The following SEPTIN11 variants were observed in gnomAD, a reference collection of about 807,000 sequenced individuals.
SEPTIN11 encodes septin 11.
In SEPTIN11, 25 loss-of-function variants were observed where a neutral mutation model predicts 51.4. That is an observed-to-expected ratio of 0.49 (90% CI 0.35 to 0.68). SEPTIN11 has a LOEUF of 0.68. Among genes scored for constraint, SEPTIN11 ranks in the 30% least tolerant of loss-of-function variants. SEPTIN11 has a pLI of 0.00. For synonymous variants in SEPTIN11, 174 were observed against 184.1 expected, an observed-to-expected ratio of 0.95 and a Z score of 0.44; for missense variants, 381 against 520.8, an observed-to-expected ratio of 0.73 and a Z score of 2.61.
At chr4:77,006,068 A>T (rs1006360566) in intron 3 of SEPTIN11, among the ~76,000 whole-genome samples, 1 of 152,134 alleles carries the variant, frequency 6.6e-6, no homozygotes. Context: ...TCTTTCCACA[A>T]AGGCCATGAA....
intron 1 of SEPTIN11, among the ~76,000 whole-genome samples, chr4:76,951,837 A>G (rs528784681): frequency 9.2e-5 from 14 of 152,330 alleles, no homozygotes; most frequent in African/African-American, 3.4e-4. Context: ...TCGGCCAACC[A>G]TATGTGAGCT....
rs1722907325 is a variant in SEPTIN11 at position 76,984,094 on chromosome 4, C to T, written c.28-12331C>T. ...TTTAGTAATATTTGTAGAGCAAGAC[C>T]AGATGTTAATTGGTATGTTTATTTC... On this transcript the variant is annotated intron_variant, in intron 1 of 9. Coordinates refer to ENST00000264893, the MANE Select transcript of SEPTIN11 (RefSeq NM_018243.4). This position sits in a 1 kb window ranked among gnomAD's most constrained non-coding sequence, Gnocchi z 4.1. 6.6e-6 allele frequency among the ~76,000 whole-genome samples: 1 copy of T among 152,154 alleles called. No homozygotes were observed. Among genetic ancestry groups the T allele is most frequent in the African/African-American group, 2.4e-5 (1 of 41,424 alleles).
At chr4:77,033,309 T>C (rs148794482) in intron 9 of SEPTIN11, among the ~76,000 whole-genome samples, 66 of 152,202 alleles carry the variant, frequency 4.3e-4, no homozygotes, top group African/African-American at 1.3e-3. Flanking sequence ...GATGTGGGAG[T>C]TGCCATTCAG....
intron 3 of SEPTIN11, chr4:77,010,052 TG>T (rs1340929282): frequency 6.6e-6 from 1 of 152,210 alleles, no homozygotes; most frequent in Non-Finnish European, 1.5e-5. Context: ...TAGTGGTGGT[TG>T]TTTATTATAT....
At chr4:76,999,239 G>A (rs910306953) in intron 2 of SEPTIN11, among the ~76,000 whole-genome samples, 1 of 152,168 alleles carries the variant, frequency 6.6e-6, no homozygotes, top group Admixed American at 6.5e-5. Context: ...TCCTCAGAGA[G>A]TTGAATATCA....
At chr4:77,012,406 T>C (rs1180724334) in intron 4 of SEPTIN11, among the ~76,000 whole-genome samples, 1 of 152,238 alleles carries the variant, frequency 6.6e-6, no homozygotes, top group African/African-American at 2.4e-5. Context: ...GCCACATTTA[T>C]ACCTTCTCTT....
At chr4:77,026,075 T>C (rs1236273825) in intron 7 of SEPTIN11, among the ~76,000 whole-genome samples, 1 of 152,198 alleles carries the variant, frequency 6.6e-6, no homozygotes, top group East Asian at 1.9e-4. Flanking sequence ...TTAAACTTTT[T>C]AACGTACTGG....
chr4:76,967,295 A>G (rs972326991), intron 1 of SEPTIN11, among the ~76,000 whole-genome samples: 2 of 152,240 alleles, frequency 1.3e-5, no homozygotes, highest in Non-Finnish European at 2.9e-5. Flanking sequence ...CCAATGGTTT[A>G]TACACAGTTT....
At position 77,036,636 on chromosome 4, in the gene SEPTIN11, GA is replaced by G. The variant is rs1407801933; in HGVS notation, c.*2127del. ...CGAGTCAGGGAATAAAAAGTCAAAA[GA>G]AACAAATAGAAGCTTTTTTTTTTAA... is the stretch of plus-strand genomic sequence containing the variant. On this transcript the variant is annotated 3_prime_UTR_variant, in exon 10 of 10. Transcript: ENST00000264893. 7 of 1,477,828 alleles carry G rather than the reference GA, an allele frequency of 4.7e-6. No individual in the cohort carries two copies. Among genetic ancestry groups the G allele is most frequent in the Non-Finnish European group, 6.2e-6 (7 of 1,126,868 alleles). The allele number at this position is 1,477,828 out of a possible 1,614,324, so 91.5% of individuals were successfully genotyped here.
chr4:76,951,595 A>G (rs1721350851), intron 1 of SEPTIN11, among the ~76,000 whole-genome samples: 2 of 152,230 alleles, frequency 1.3e-5, no homozygotes, highest in South Asian at 4.1e-4. Context: ...CTAAAATAAC[A>G]ATATCTGCTT....
Position 77,020,491 on chromosome 4 carries a change from C to T in SEPTIN11, c.785-11C>T, listed in dbSNP as rs774503832. Reference sequence around the variant, plus strand: ...TAATCCCACTTCCGCCATTTCCCCCCTCTCTTGTAGTTGAGAATGAAAATC... The same window carrying T: ...TAATCCCACTTCCGCCATTTCCCCCTTCTCTTGTAGTTGAGAATGAAAATC... On this transcript the variant is annotated splice_polypyrimidine_tract_variant and intron_variant, in intron 6 of 9. Transcript: ENST00000264893. The T allele has an allele frequency of 9.3e-6, 15 of 1,612,774 alleles. No individual in the cohort carries two copies. The highest frequency in any genetic ancestry group is 1.6e-4 in the Middle Eastern group (1 of 6,072).
Position 77,005,776 on chromosome 4 carries a change from C to T in SEPTIN11, c.318C>T (p.Asp106=), listed in dbSNP as rs751865658. 3.1e-5 allele frequency: 50 copies of T among 1,613,262 alleles called. No individual in the cohort carries two copies. Among genetic ancestry groups the T allele is most frequent in the Non-Finnish European group, 4.2e-5 (49 of 1,179,698 alleles). ...LTIVDTVGFG[D]QINKDDSYKP... ...TTGTTGACACCGTGGGATTTGGAGA[C>T]CAGATAAATAAAGATGACAGGTACA... Residue 106 remains aspartate, a synonymous_variant, in exon 3 of 10, where the codon GAC becomes GAT. Transcript: ENST00000264893.
intron 1 of SEPTIN11, among the ~76,000 whole-genome samples, chr4:76,989,022 C>T (rs963742880): frequency 2.0e-5 from 3 of 152,114 alleles, no homozygotes; most frequent in East Asian, 1.9e-4. Context: ...AGCAAAATGA[C>T]GGAATTGGAT....
chr4:76,986,335 T>C (rs1356677701), intron 1 of SEPTIN11, among the ~76,000 whole-genome samples: 2 of 151,122 alleles, frequency 1.3e-5, no homozygotes, highest in African/African-American at 4.9e-5. Context: ...GATGTTGGCT[T>C]AGAGATGCCT....
intron 7 of SEPTIN11, 131 bp downstream of exon 7, chr4:77,020,801 T>C (rs967141125): frequency 2.5e-6 from 2 of 796,382 alleles, no homozygotes; most frequent in Admixed American, 3.0e-5. Context: ...TTAATACATA[T>C]GTTGTCAGGC....
chr4:76,990,485 C>A (rs1277285334), intron 1 of SEPTIN11, among the ~76,000 whole-genome samples: 1 of 152,164 alleles, frequency 6.6e-6, no homozygotes, highest in Non-Finnish European at 1.5e-5. Flanking sequence ...GGCTGGCCAG[C>A]AGGAGGCGAG....
chr4:77,016,611 T>TACACACATATATATATATAC lies in SEPTIN11; in HGVS notation c.687+1599_687+1600insCATATATATATATACACACA, dbSNP rs535121576. ...ATATATACACACACATATATATATA[T>TACACACATATATATATATAC]ACACATATATATATATATACACATA... On this transcript the variant is annotated intron_variant, in intron 5 of 9. Transcript: ENST00000264893. Among the ~76,000 whole-genome samples the TACACACATATATATATATAC allele has an allele frequency of 9.3e-4, 77 of 82,840 alleles. 2 individuals carry two copies. Among genetic ancestry groups the TACACACATATATATATATAC allele is most frequent in the South Asian group, 2.3e-3 (6 of 2,618 alleles). 54.3% of individuals were successfully genotyped at this position (82,840 alleles called of 152,430 possible).
chr4:76,952,335 T>C (rs1165370708), intron 1 of SEPTIN11, among the ~76,000 whole-genome samples: 1 of 152,106 alleles, frequency 6.6e-6, no homozygotes, highest in East Asian at 1.9e-4. Context: ...TATGTGTGAA[T>C]GGAATTTCCC....
chr4:76,973,731 C>T (rs1290134064), intron 1 of SEPTIN11, among the ~76,000 whole-genome samples: 1 of 152,182 alleles, frequency 6.6e-6, no homozygotes, highest in African/African-American at 2.4e-5. Context: ...TACTTACTTG[C>T]TCTAAGAACT....
Sources: gnomAD v4.1 joint callset for allele counts (sites outside exome capture counted in the v4.1 genomes callset) on GRCh38, gnomAD v4.1.1 for gene constraint, Gnocchi (gnomAD v3.1) non-coding constraint, MANE v1.5 for transcripts, NCBI Gene and HGNC (gene_info 2026-07-23, HGNC 2026-07-21) for gene names.